DMD: variants seen among roughly 807,000 people sequenced by gnomAD.
DMD encodes the protein mutant dystrophin.
A neutral mutation model predicts 330.1 loss-of-function variants in DMD; 63 were observed. That is an observed-to-expected ratio of 0.19 (90% CI 0.16 to 0.24). DMD has a LOEUF of 0.24. Among genes scored for constraint, DMD ranks in the 10% least tolerant of loss-of-function variants. DMD has a pLI of 1.00. For synonymous variants in DMD, 1,223 were observed against 959.8 expected (o/e 1.27, Z -5.07); for missense variants, 3,344 against 2,684.1 (o/e 1.25, Z -5.43).
At chrX:31,701,463 T>C (rs1340484009) in intron 52 of DMD, among the ~76,000 whole-genome samples, 1 of 111,962 alleles carries the variant, frequency 8.9e-6, no homozygotes, top group East Asian at 2.8e-4. Flanking sequence ...TACCTCCTTC[T>C]CTTCAGATTT....
At chrX:32,390,874 G>A (rs1367889525) in intron 30 of DMD, among the ~76,000 whole-genome samples, 1 of 111,443 alleles carries the variant, frequency 9.0e-6, no homozygotes, top group Admixed American at 9.6e-5. Context: ...TTTCAGGGAA[G>A]CTATGAATCT....
intron 44 of DMD, among the ~76,000 whole-genome samples, chrX:32,144,520 A>G (rs966868012): frequency 2.7e-5 from 3 of 111,777 alleles, no homozygotes; most frequent in African/African-American, 9.8e-5. Flanking sequence ...AAAGTAATAC[A>G]TACGGATACA....
chrX:32,252,707 A>AATATATAAATATATATAAATATATAAAT (rs2097272248), intron 43 of DMD, among the ~76,000 whole-genome samples: 1 of 18,328 alleles, frequency 5.5e-5, no homozygotes, highest in African/African-American at 2.1e-4. Flanking sequence ...AATATATATA[A>AATATATAAATATATATAAATATATAAAT]ATATATAAAT....
At chrX:32,875,211 A>G (rs1271717802) in intron 2 of DMD, among the ~76,000 whole-genome samples, 1 of 110,330 alleles carries the variant, frequency 9.1e-6, no homozygotes, top group Non-Finnish European at 1.9e-5. Flanking sequence ...CTCTTCATCG[A>G]CTCTTGAACT....
chrX:31,438,471 C>A (rs1225889068), intron 60 of DMD, among the ~76,000 whole-genome samples: 1 of 111,495 alleles, frequency 9.0e-6, no homozygotes, highest in Non-Finnish European at 1.9e-5. Flanking sequence ...AATAAGCCTT[C>A]CAGGTGAATT....
intron 5 of DMD, 23 bp from the exon 6 acceptor site, chrX:32,816,663 A>T (rs1396194299): frequency 1.7e-6 from 2 of 1,192,127 alleles, no homozygotes; most frequent in African/African-American, 3.5e-5. Flanking sequence ...ATAAATTTTC[A>T]TAAGAAAATG....
chrX:31,999,530 ATGAC>A (rs1253011735), intron 44 of DMD, among the ~76,000 whole-genome samples: 1 of 111,970 alleles, frequency 8.9e-6, no homozygotes, highest in Admixed American at 9.5e-5. Flanking sequence ...TTTAAAGTAA[ATGAC>A]TGATAATTTC....
Position 32,149,766 on chromosome X carries a change from T to G in DMD, c.6438+67150A>C, listed in dbSNP as rs1432610615. Among the ~76,000 whole-genome samples, 5 of 111,569 alleles carry G rather than the reference T, an allele frequency of 4.5e-5. No individual in the cohort carries two copies. The East Asian group carries it at 1.4e-3, about 31-fold the overall frequency. On this transcript the variant is annotated intron_variant, in intron 44 of 78. Transcript: ENST00000357033. ...AGAGAATATCTTAGTTTGGGTTCCC[T>G]AAATGGAGGTTCTGAGATGAAGCTT...
At chrX:32,654,880 G>A (rs778391767) in intron 9 of DMD, among the ~76,000 whole-genome samples, 2 of 111,140 alleles carry the variant, frequency 1.8e-5, no homozygotes, top group Admixed American at 9.6e-5. Flanking sequence ...GTCTTGGGAG[G>A]GTGTATGTGT....
intron 60 of DMD, among the ~76,000 whole-genome samples, chrX:31,422,039 ATATAT>A (rs1569540545): frequency 1.0e-3 from 8 of 7,712 alleles, no homozygotes; most frequent in African/African-American, 1.4e-3. Context: ...ATATATATAT[ATATAT>A]TTTTTTTTTT....
At chrX:31,308,733 T>A (rs956584979) in intron 62 of DMD, among the ~76,000 whole-genome samples, 1 of 109,412 alleles carries the variant, frequency 9.1e-6, no homozygotes, top group Non-Finnish European at 1.9e-5. Context: ...TGTGTGTGAT[T>A]TTTTTTTTCT....
At chrX:32,407,286 G>A (rs775293050) in intron 30 of DMD, among the ~76,000 whole-genome samples, 2 of 111,054 alleles carry the variant, frequency 1.8e-5, no homozygotes, top group African/African-American at 6.5e-5. Context: ...CAAGAAAAAA[G>A]CAAACAACCC....
intron 1 of DMD, among the ~76,000 whole-genome samples, chrX:33,103,505 C>T (rs1220623584): frequency 9.0e-6 from 1 of 110,888 alleles, no homozygotes; most frequent in African/African-American, 3.3e-5. Flanking sequence ...CAAAAAGCTC[C>T]CCCACTGAGC....
intron 10 of DMD, 63 bp from the exon 11 acceptor site, chrX:32,644,376 T>A: frequency 2.7e-6 from 3 of 1,106,926 alleles, no homozygotes; most frequent in Non-Finnish European, 3.7e-6. Flanking sequence ...TGGTTTTGAG[T>A]TTTATTTGTT....
At chrX:31,842,932 G>T in intron 48 of DMD, among the ~76,000 whole-genome samples, 1 of 111,359 alleles carries the variant, frequency 9.0e-6, no homozygotes, top group South Asian at 3.8e-4. Flanking sequence ...GTCCATGAGT[G>T]CCCAATGTTT....
intron 1 of DMD, among the ~76,000 whole-genome samples, chrX:33,197,943 A>G (rs2051042881): frequency 9.0e-6 from 1 of 111,210 alleles, no homozygotes; most frequent in African/African-American, 3.3e-5. Flanking sequence ...CAAGAGTACA[A>G]TTGCTGGGCT....
chrX:31,671,221 T>C (rs891934016), intron 53 of DMD, among the ~76,000 whole-genome samples: 8 of 112,451 alleles, frequency 7.1e-5, no homozygotes, highest in African/African-American at 2.6e-4. Flanking sequence ...CAATACCTTC[T>C]ATTCTTCATT....
intron 2 of DMD, among the ~76,000 whole-genome samples, chrX:32,945,717 C>A (rs2090757319): frequency 9.0e-6 from 1 of 111,472 alleles, no homozygotes; most frequent in African/African-American, 3.2e-5. Context: ...GTTTCTACTC[C>A]TAAATTAGGG....
chrX:32,438,431 T>TC, intron 28 of DMD, 41 bp from the exon 29 acceptor site: 1 of 1,176,521 alleles, frequency 8.5e-7, no homozygotes, highest in Non-Finnish European at 1.2e-6. Context: ...TCCTTTTTTT[T>TC]CTAAATACAT....
Sources: gnomAD v4.1 joint callset for allele counts (sites outside exome capture counted in the v4.1 genomes callset) on GRCh38, gnomAD v4.1.1 for gene constraint, MANE v1.5 for transcripts, NCBI Gene and HGNC (gene_info 2026-07-23, HGNC 2026-07-21) for gene names.